Variants in PCBD2 observed in about 807,000 individuals in gnomAD.
The protein encoded by PCBD2 is pterin-4 alpha-carbinolamine dehydratase 2, also known as pterin-4-alpha-carbinolamine dehydratase 2.
Under a neutral mutation model 16.4 loss-of-function variants are expected in PCBD2, and 12 were observed. The observed-to-expected ratio is 0.73, with a 90% CI of 0.47 to 1.19. PCBD2 has a LOEUF of 1.19. PCBD2 is among the 50% of genes most tolerant of loss of function. PCBD2 has a pLI of 0.00. For missense variants in PCBD2, 138 were observed against 156.8 expected, an observed-to-expected ratio of 0.88 and a Z score of 0.64; for synonymous variants, 58 against 61.8, an observed-to-expected ratio of 0.94 and a Z score of 0.29.
intron 2 of PCBD2, among the ~76,000 whole-genome samples, chr5:134,949,415 A>T (rs994356549): frequency 1.3e-5 from 2 of 152,186 alleles, no homozygotes; most frequent in African/African-American, 4.8e-5. Flanking sequence ...TGCCAGGCAT[A>T]CTGTAAAGTA....
chr5:134,908,897 T>A (rs1667543801), intron 1 of PCBD2: 1 of 152,196 alleles, frequency 6.6e-6, no homozygotes, highest in Non-Finnish European at 1.5e-5. Context: ...ATCCAGGGAA[T>A]GCAGCTTAGC....
intron 2 of PCBD2, chr5:134,927,947 G>T (rs995168617): frequency 8.6e-5 from 34 of 396,938 alleles, no homozygotes; most frequent in African/African-American, 6.6e-4. Flanking sequence ...TAATTAGGCT[G>T]TGAGTGGTTG....
rs78610540 is a variant in PCBD2 at position 134,929,302 on chromosome 5, G to C, written c.216+18836G>C. 3.2e-3 allele frequency among the ~76,000 whole-genome samples: 486 copies of C among 149,678 alleles called. 7 individuals carry two copies. The East Asian group carries it at 0.037, about 11-fold the overall frequency. The stretch of plus-strand genomic sequence containing the variant: ...TTTGAGGCTGCAGTGAGCTATGATT[G>C]TGCTACTGCACTGCAACCTGGGTAA... On this transcript the variant is annotated intron_variant, in intron 2 of 3. Coordinates refer to ENST00000254908, the MANE Select transcript of PCBD2 (RefSeq NM_032151.5).
intron 2 of PCBD2, chr5:134,927,182 G>A (rs1751017965): frequency 2.5e-6 from 1 of 398,536 alleles, no homozygotes; most frequent in Non-Finnish European, 4.4e-6. Flanking sequence ...AGTATGCAAT[G>A]AGCGATTTTA....
chr5:134,961,994 CA>C lies in PCBD2; in HGVS notation c.*1315del, dbSNP rs1486831386. 3.3e-5 allele frequency among the ~76,000 whole-genome samples: 5 copies of C among 152,010 alleles called. No individual in the cohort carries two copies. Among genetic ancestry groups the C allele is most frequent in the Non-Finnish European group, 7.4e-5 (5 of 67,994 alleles). ...CAGGCTGGCCTTGAACTCTTGGGCTCAAGCAAGCCTCCCACCTCTGCCTCCC... is the reference window on the plus strand; with the variant it reads ...CAGGCTGGCCTTGAACTCTTGGGCTCAGCAAGCCTCCCACCTCTGCCTCCC... On this transcript the variant is annotated 3_prime_UTR_variant, in exon 4 of 4. Coordinates refer to ENST00000254908, the MANE Select transcript of PCBD2 (RefSeq NM_032151.5).
At chr5:134,945,691 T>G (rs534943329) in intron 2 of PCBD2, among the ~76,000 whole-genome samples, 1 of 152,282 alleles carries the variant, frequency 6.6e-6, no homozygotes, top group East Asian at 1.9e-4. Context: ...CAGAACAAAT[T>G]TTCTAGATTT....
At chr5:134,928,039 G>T in intron 2 of PCBD2, 1 of 395,018 alleles carries the variant, frequency 2.5e-6, no homozygotes, top group South Asian at 1.3e-4. Flanking sequence ...TTTAGCATTG[G>T]AGTAGGCTTA....
chr5:134,914,961 C>T (rs955274679), intron 2 of PCBD2, among the ~76,000 whole-genome samples: 1 of 152,214 alleles, frequency 6.6e-6, no homozygotes, highest in Non-Finnish European at 1.5e-5. Context: ...GCATGAGCCA[C>T]TGCACCCAGT....
rs529065069 is a variant in PCBD2 at position 134,941,067 on chromosome 5, A to G, written c.217-17973A>G. Among the ~76,000 whole-genome samples the G allele has an allele frequency of 8.0e-5, 12 of 150,090 alleles. No homozygotes were observed. The East Asian group carries it at 2.2e-3, about 27-fold the overall frequency. ...GAGTTGGAGGTTGCAGTGAGCCAAG[A>G]TCACGCCACTGCACTCGAGCCTGGG... On this transcript the variant is annotated intron_variant, in intron 2 of 3. Coordinates refer to ENST00000254908, the MANE Select transcript of PCBD2 (RefSeq NM_032151.5).
At chr5:134,926,542 T>C in intron 2 of PCBD2, 1 of 395,664 alleles carries the variant, frequency 2.5e-6, no homozygotes, top group Admixed American at 4.4e-5. Context: ...GAGAAAGCCA[T>C]GTTGTTAGAC....
intron 2 of PCBD2, among the ~76,000 whole-genome samples, chr5:134,933,365 A>G (rs1751121008): frequency 6.6e-6 from 1 of 152,044 alleles, no homozygotes; most frequent in Non-Finnish European, 1.5e-5. Context: ...CCTCCTGAGT[A>G]GCTGGGACTA....
intron 2 of PCBD2, chr5:134,927,108 G>A (rs1424826437): frequency 2.5e-6 from 1 of 398,462 alleles, no homozygotes; most frequent in Admixed American, 4.4e-5. Flanking sequence ...GACTGCGCCG[G>A]TGAAGCTTCA....
intron 1 of PCBD2, among the ~76,000 whole-genome samples, chr5:134,908,016 C>T (rs1750718532): frequency 6.6e-6 from 1 of 150,556 alleles, no homozygotes; most frequent in Non-Finnish European, 1.5e-5. Context: ...GTCATCTGGT[C>T]TCAAGTGATC....
chr5:134,905,335 G>GCTCCAAGGCTCGGC, intron 1 of PCBD2, 112 bp downstream of exon 1: 1 of 986,520 alleles, frequency 1.0e-6, no homozygotes, highest in Non-Finnish European at 1.3e-6. Context: ...CGTGGGCCGA[G>GCTCCAAGGCTCGGC]CCTTGGAGCT....
chr5:134,908,767 G>A (rs1447596091), intron 1 of PCBD2: 2 of 151,948 alleles, frequency 1.3e-5, no homozygotes, highest in African/African-American at 4.8e-5. Context: ...TGATTTATTA[G>A]TATTTTTTTC....
intron 1 of PCBD2, among the ~76,000 whole-genome samples, chr5:134,908,374 A>G (rs1750724538): frequency 6.7e-6 from 1 of 149,692 alleles, no homozygotes; most frequent in Non-Finnish European, 1.5e-5. Context: ...TTAATTAAAA[A>G]GTATTCTCTG....
rs376785091 is a variant in PCBD2 at position 134,961,585 on chromosome 5, G to T, written c.*904G>T. ...AGGCATGAGCCACCGCGCTTGGCCAGAAGTGGCATTCTTAAATTCAAGAAA... is the reference window on the plus strand; with the variant it reads ...AGGCATGAGCCACCGCGCTTGGCCATAAGTGGCATTCTTAAATTCAAGAAA... On this transcript the variant is annotated 3_prime_UTR_variant, in exon 4 of 4. Coordinates refer to ENST00000254908, the MANE Select transcript of PCBD2 (RefSeq NM_032151.5). Among the ~76,000 whole-genome samples the T allele has an allele frequency of 1.2e-4, 18 of 152,260 alleles. No individual in the cohort carries two copies. Among genetic ancestry groups the T allele is most frequent in the African/African-American group, 4.3e-4 (18 of 41,552 alleles).
chr5:134,939,064 T>C (rs1751193970), intron 2 of PCBD2, among the ~76,000 whole-genome samples: 9 of 152,168 alleles, frequency 5.9e-5, no homozygotes, highest in Admixed American at 5.9e-4. Flanking sequence ...TTATTATAAT[T>C]GTTTTTTACT....
intron 2 of PCBD2, among the ~76,000 whole-genome samples, chr5:134,912,430 A>G (rs1248862538): frequency 6.6e-6 from 1 of 152,204 alleles, no homozygotes; most frequent in East Asian, 1.9e-4. Context: ...GAGAGTGCAC[A>G]CCAAAGGGCA....
Sources: allele counts gnomAD v4.1 joint callset (sites outside exome capture counted in the v4.1 genomes callset), GRCh38; gene constraint gnomAD v4.1.1; transcripts MANE v1.5; gene names NCBI Gene and HGNC (gene_info 2026-07-23, HGNC 2026-07-21).